LAMA3: variants seen among roughly 807,000 people sequenced by gnomAD.
LAMA3 encodes laminin subunit alpha 3.
Under a neutral mutation model 402.0 loss-of-function variants are expected in LAMA3, and 281 were observed. The ratio of observed to expected loss-of-function variants is 0.70; its 90% CI spans 0.63 to 0.77. LAMA3 has a LOEUF of 0.77. Among genes scored for constraint, LAMA3 ranks in the 30% least tolerant of loss-of-function variants. The pLI, the probability that LAMA3 is intolerant of heterozygous loss-of-function variation, is 0.00. For synonymous variants in LAMA3, 1,431 were observed against 1,558.4 expected (o/e 0.92, Z 1.93); for missense variants, 3,840 against 4,215.5 (o/e 0.91, Z 2.47).
chr18:23,914,300 G>T, intron 56 of LAMA3, 110 bp from the exon 57 acceptor site: 4 of 1,089,358 alleles, frequency 3.7e-6, no homozygotes, highest in Non-Finnish European at 5.6e-6. Flanking sequence ...GTCTCTCCAA[G>T]GCTTATTGCC....
In LAMA3 at chr18:23,857,864, G is replaced by A; in HGVS notation, c.4157G>A (p.Gly1386Glu). ...GQCRCKPRIT[G>E]RQCDRCASGF... is the part of the protein sequence containing the mutation. Reference sequence around the variant, plus strand: ...TACAGATGCAAGCCCAGAATCACAGGGCGGCAGTGTGACCGATGTGCTTCC... The same window carrying A: ...TACAGATGCAAGCCCAGAATCACAGAGCGGCAGTGTGACCGATGTGCTTCC... The change falls in exon 33 of 75, where the codon GGG (glycine) becomes GAG (glutamate). Residue 1386 changes from glycine (G) to glutamate (E), a missense_variant. This residue lies in a region of LAMA3 where 2,109 missense variants were observed against 2,376.0 expected (regional missense o/e 0.89). Transcript: ENST00000313654. 1 of 1,614,204 alleles carries A rather than the reference G, an allele frequency of 6.2e-7. No homozygotes were observed. The highest frequency in any genetic ancestry group is 2.2e-5 in the East Asian group (1 of 44,886).
rs752272336 is a variant in LAMA3 at position 23,816,479 on chromosome 18, GTGCCAGCGGT to G, written c.2140_2147+2del. 2 of 1,613,834 alleles carry G rather than the reference GTGCCAGCGGT, an allele frequency of 1.2e-6. No homozygotes were observed. The highest frequency in any genetic ancestry group is 1.7e-6 in the Non-Finnish European group (2 of 1,179,794). On this transcript the variant is annotated splice_donor_variant and coding_sequence_variant, in exon 18 of 75. Transcript: ENST00000313654. LOFTEE classifies it high-confidence loss of function. ...GCCGAGAGCATGTCGTGGGAAAGGT[GTGCCAGCGGT>G]GAGTCTTCGGGAGGCTTCTTCCCAT...
chr18:23,939,101 C>A, intron 67 of LAMA3, 122 bp from the exon 68 acceptor site: 5 of 1,010,254 alleles, frequency 4.9e-6, no homozygotes, highest in South Asian at 3.9e-5. Flanking sequence ...TGGTACCAGG[C>A]CTTCTATTGC....
intron 68 of LAMA3, among the ~76,000 whole-genome samples, chr18:23,941,157 C>T (rs531637637): frequency 2.6e-5 from 4 of 151,850 alleles, no homozygotes; most frequent in African/African-American, 7.3e-5. Flanking sequence ...AGGCTGGTCT[C>T]GAACTCCTGA....
At chr18:23,908,057 C>A in intron 54 of LAMA3, 122 bp downstream of exon 54, 1 of 892,062 alleles carries the variant, frequency 1.1e-6, no homozygotes, top group Non-Finnish European at 1.9e-6. Flanking sequence ...GAAAACAGCT[C>A]CACCTGATAC....
chr18:23,925,181 C>T (rs910614185), intron 62 of LAMA3, among the ~76,000 whole-genome samples: 1 of 152,224 alleles, frequency 6.6e-6, no homozygotes, highest in African/African-American at 2.4e-5. Flanking sequence ...ACAAAGTTCT[C>T]AAACCTAACC....
intron 69 of LAMA3, among the ~76,000 whole-genome samples, chr18:23,945,227 C>T (rs576602801): frequency 6.6e-6 from 1 of 152,342 alleles, no homozygotes; most frequent in East Asian, 1.9e-4. Flanking sequence ...GCAAGAGTAG[C>T]AGCAGGGGGC....
rs12607408 is a variant in LAMA3 at position 23,843,018 on chromosome 18, C to G, written c.3603+268C>G. 0.16 allele frequency among the ~76,000 whole-genome samples: 23,890 copies of G among 152,064 alleles called. 2,845 individuals are homozygous for G. The highest frequency in any genetic ancestry group is 0.61 in the East Asian group (3,124 of 5,148). ...TTCCTCATCTGACCAGTCTCTGGAG[C>G]ATTTTTCGCTCCTTTCTTCTTTTGG... On this transcript the variant is annotated intron_variant, in intron 29 of 74. Transcript: ENST00000313654.
intron 12 of LAMA3, among the ~76,000 whole-genome samples, chr18:23,797,627 A>C (rs902142251): frequency 6.6e-6 from 1 of 152,084 alleles, no homozygotes; most frequent in Non-Finnish European, 1.5e-5. Context: ...AGGCACAAGA[A>C]TTGCATGATC....
chr18:23,775,715 C>G (rs895840310), intron 9 of LAMA3, 77 bp from the exon 10 acceptor site: 1 of 1,534,140 alleles, frequency 6.5e-7, no homozygotes, highest in Non-Finnish European at 9.0e-7. Flanking sequence ...GGAACGTTGC[C>G]TGGGAAGTGT....
At chr18:23,733,751 T>C (rs1238932462) in intron 2 of LAMA3, among the ~76,000 whole-genome samples, 5 of 152,168 alleles carry the variant, frequency 3.3e-5, no homozygotes, top group East Asian at 3.9e-4. Flanking sequence ...GCAGGATTTT[T>C]AGTGCTAAAA....
intron 48 of LAMA3, 100 bp from the exon 49 acceptor site, chr18:23,902,909 C>A: frequency 1.3e-6 from 1 of 777,616 alleles, no homozygotes; most frequent in Admixed American, 1.7e-5. Context: ...AGAAAGCATT[C>A]TGACTTTGAA....
chr18:23,833,908 GC>G lies in LAMA3; in HGVS notation c.2905del (p.Leu969CysfsTer6). On this transcript the variant is annotated frameshift_variant, in exon 24 of 75. Transcript: ENST00000313654. LOFTEE classifies it high-confidence loss of function. ...TCGAGTATTCCACGGAGGCAGCTCA[GC>G]TGTTTGTGGTTGATGTGAATGTGAA... ...VVEYSTEAAQLFVVDVNVKSS... is the reference protein window; with the variant it reads ...VVEYSTEAAQXFVVDVNVKSS... 6.2e-7 allele frequency: 1 copy of G among 1,614,218 alleles called. No homozygotes were observed. The highest frequency in any genetic ancestry group is 2.2e-5 in the East Asian group (1 of 44,882).
chr18:23,867,917 G>T lies in LAMA3; in HGVS notation c.4767G>T (p.Glu1589Asp). The change falls in exon 37 of 75, where the codon GAG (glutamate) becomes GAT (aspartate). Residue 1589 changes from glutamate (E) to aspartate (D), a missense_variant and splice_region_variant. Glu to Asp is a conservative substitution (Grantham distance 45). This residue lies in a region of LAMA3 where 2,109 missense variants were observed against 2,376.0 expected (regional missense o/e 0.89). Coordinates refer to ENST00000313654, the MANE Select transcript of LAMA3 (RefSeq NM_198129.4). ...ATCATGGACGAGTGCACGTGGTCGA[G>T]GTAAAGGAAGAGCAACCATAGGATG... Reference protein sequence around the residue: ...RLHHGRVHVVEGNFRHASSRA... With the variant: ...RLHHGRVHVVDGNFRHASSRA... The T allele has an allele frequency of 6.2e-7, 1 of 1,613,314 alleles. No homozygotes were observed. The highest frequency in any genetic ancestry group is 2.2e-5 in the East Asian group (1 of 44,860).
At chr18:23,895,112 G>C (rs2080835434) in intron 44 of LAMA3, 54 bp downstream of exon 44, 2 of 1,536,850 alleles carry the variant, frequency 1.3e-6, no homozygotes, top group African/African-American at 2.7e-5. Context: ...CTGCGGGAGT[G>C]GATTCTCCAT....
chr18:23,725,056 A>C (rs1450795687), intron 2 of LAMA3, among the ~76,000 whole-genome samples: 1 of 152,040 alleles, frequency 6.6e-6, no homozygotes, highest in Non-Finnish European at 1.5e-5. Context: ...TTACTTTAGG[A>C]AAAAACAAGA....
Position 23,733,951 on chromosome 18 carries a change from T to C in LAMA3, c.448-13992T>C, listed in dbSNP as rs150853190. On this transcript the variant is annotated intron_variant, in intron 2 of 74. Transcript: ENST00000313654. ...AATTATAGCCTGGGAATCTGCATTT[T>C]AACATGCTTTCTGGTTGCTTCTAAT... 2.6e-3 allele frequency among the ~76,000 whole-genome samples: 390 copies of C among 152,374 alleles called. 8 individuals are homozygous for C. In the East Asian group the frequency reaches 0.043, roughly 17 times the overall value.
chr18:23,905,939 AT>A lies in LAMA3; in HGVS notation c.6718+323del, dbSNP rs75582311. Among the ~76,000 whole-genome samples the A allele has an allele frequency of 8.0e-3, 1,205 of 151,340 alleles. 55 individuals are homozygous for A. The East Asian group carries it at 0.15, about 19-fold the overall frequency. Reference sequence around the variant, plus strand: ...ACCACCATGCCCAGCTAATTTTTGTATTTTTTTTAGAGGCAAGGTCTTGCTA... The same window carrying A: ...ACCACCATGCCCAGCTAATTTTTGTATTTTTTTAGAGGCAAGGTCTTGCTA... On this transcript the variant is annotated intron_variant, in intron 52 of 74. Transcript: ENST00000313654.
At chr18:23,758,586 C>T (rs2061903258) in intron 7 of LAMA3, 75 bp downstream of exon 7, 3 of 1,116,804 alleles carry the variant, frequency 2.7e-6, no homozygotes, top group Admixed American at 3.8e-5. Context: ...CTATTTTCCC[C>T]ATGCTAGAGA....
Sources: gnomAD v4.1 joint callset for allele counts (sites outside exome capture counted in the v4.1 genomes callset) on GRCh38, gnomAD v4.1.1 for gene constraint, gnomAD v4.1.1 regional missense constraint, MANE v1.5 for transcripts, NCBI Gene and HGNC (gene_info 2026-07-23, HGNC 2026-07-21) for gene names.